The following MAP3K7 variants were observed in gnomAD, a reference collection of about 807,000 sequenced individuals.
The protein encoded by MAP3K7 is TGF-beta activated kinase 1.
In MAP3K7, 21 loss-of-function variants were observed where a neutral mutation model predicts 84.8. The ratio of observed to expected loss-of-function variants is 0.25; its 90% CI spans 0.18 to 0.36. The LOEUF (loss-of-function observed/expected upper bound fraction) is 0.36. MAP3K7 is among the 10% of genes least tolerant of loss of function. MAP3K7 has a pLI of 1.00. For synonymous variants in MAP3K7, 241 were observed against 247.7 expected (o/e 0.97, Z 0.25); for missense variants, 503 against 747.7 (o/e 0.67, Z 3.82).
At chr6:90,544,698 A>T (rs1775950728) in intron 11 of MAP3K7, 66 bp from the exon 12 acceptor site, 1 of 1,297,430 alleles carries the variant, frequency 7.7e-7, no homozygotes, top group Non-Finnish European at 1.1e-6. Flanking sequence ...AAAATGATTA[A>T]CTACAAAAAT....
chr6:90,566,473 GAGAAT>G (rs1412381380), intron 3 of MAP3K7, among the ~76,000 whole-genome samples: 1 of 152,128 alleles, frequency 6.6e-6, no homozygotes, highest in Non-Finnish European at 1.5e-5. Flanking sequence ...TTGCTTCAAA[GAGAAT>G]AAAATACCTA....
rs112203361 is a variant in MAP3K7 at position 90,542,727 on chromosome 6, T to C, written c.1291+1825A>G. Among the ~76,000 whole-genome samples, 157 of 152,132 alleles carry C rather than the reference T, an allele frequency of 1.0e-3. 1 individual carries two copies. The highest frequency in any genetic ancestry group is 3.4e-3 in the African/African-American group (143 of 41,528). ...TCATCCGATAACCTAGTTGTAAGAT[T>C]GTATAAAGGTAAAATAAGATGTACT... On this transcript the variant is annotated intron_variant, in intron 12 of 16. Transcript: ENST00000369329.
chr6:90,530,639 T>C (rs1044847797), intron 13 of MAP3K7, among the ~76,000 whole-genome samples: 15 of 152,174 alleles, frequency 9.9e-5, no homozygotes, highest in African/African-American at 3.6e-4. Flanking sequence ...TAAATCTTTA[T>C]ATTTTAAGAA....
intron 1 of MAP3K7, 133 bp downstream of exon 1, chr6:90,586,631 G>A: frequency 2.5e-6 from 3 of 1,209,938 alleles, no homozygotes; most frequent in East Asian, 2.7e-5. Flanking sequence ...TGAGGGCTGT[G>A]GGGTCTCCCG....
chr6:90,564,894 C>G (rs894655711), intron 3 of MAP3K7, among the ~76,000 whole-genome samples: 1 of 152,158 alleles, frequency 6.6e-6, no homozygotes, highest in African/African-American at 2.4e-5. Context: ...TGGAATCAAA[C>G]TAGACTCAGG....
chr6:90,549,635 C>CA (rs1776119351), intron 9 of MAP3K7, among the ~76,000 whole-genome samples: 1 of 151,846 alleles, frequency 6.6e-6, no homozygotes, highest in Non-Finnish European at 1.5e-5. Context: ...GTGGGAGGCT[C>CA]AAAAAATTCA....
intron 13 of MAP3K7, among the ~76,000 whole-genome samples, chr6:90,529,656 A>C (rs1775435998): frequency 6.6e-6 from 1 of 152,188 alleles, no homozygotes; most frequent in Non-Finnish European, 1.5e-5. Flanking sequence ...ATAAAAATTA[A>C]ATGAAATGAT....
At chr6:90,572,703 C>T (rs1478756896) in intron 1 of MAP3K7, among the ~76,000 whole-genome samples, 1 of 151,818 alleles carries the variant, frequency 6.6e-6, no homozygotes, top group Non-Finnish European at 1.5e-5. Context: ...AGTTATTTTT[C>T]AAAAGTCATA....
intron 13 of MAP3K7, among the ~76,000 whole-genome samples, chr6:90,531,954 C>CG (rs1403922668): frequency 4.9e-4 from 63 of 128,838 alleles, no homozygotes; most frequent in African/African-American, 1.6e-3. Flanking sequence ...GACTGTGTCT[C>CG]GGAAAAAAAA....
In MAP3K7 at chr6:90,559,143, C is replaced by T. The variant is rs779276431; in HGVS notation, c.482+933G>A. On this transcript the variant is annotated intron_variant, in intron 5 of 16. Transcript: ENST00000369329. The stretch of plus-strand genomic sequence containing the variant: ...GCTTAAACATTATTTTATCAGTGAC[C>T]TGGGGAAACAGAAATCAGTTTAAGT... 1.1e-4 allele frequency among the ~76,000 whole-genome samples: 16 copies of T among 152,218 alleles called. No homozygotes were observed. In the East Asian group the frequency reaches 1.9e-3, roughly 18 times the overall value.
At position 90,548,148 on chromosome 6, in the gene MAP3K7, T is replaced by C; in HGVS notation, c.979A>G (p.Thr327Ala). The part of the protein sequence containing the change: ...GSFMDIASTN[T>A]SNKSDTNMEQ... ...ATATTAGTGTCACTTTTGTTACTCG[T>C]ATTTGTAGAAGCAATGTCCATGAAT... Residue 327 changes from threonine to alanine, a missense_variant, in exon 10 of 17, where the codon ACG becomes GCG. Physicochemically the swap from Thr to Ala is moderately conservative, Grantham distance 58. Transcript: ENST00000369329. 6.2e-7 allele frequency: 1 copy of C among 1,612,042 alleles called. No homozygotes were observed. Among genetic ancestry groups the C allele is most frequent in the Non-Finnish European group, 8.5e-7 (1 of 1,178,982 alleles).
rs922638725 is a variant in MAP3K7, at chr6:90,516,071, T to C, written c.*430A>G. 4.8e-5 allele frequency: 9 copies of C among 187,102 alleles called. No homozygotes were observed. Among genetic ancestry groups the C allele is most frequent in the African/African-American group, 2.2e-4 (9 of 41,616 alleles). 11.6% of individuals were successfully genotyped at this position (187,102 alleles called of 1,614,324 possible). A position where few individuals can be genotyped will look rare whatever the true frequency, so the allele number is the denominator to read the frequency against. ...TCTTTAACTTGGTATATACCATCTT[T>C]TGGGAAAAAAATTATTAATATTTTG... On this transcript the variant is annotated 3_prime_UTR_variant, in exon 17 of 17. Transcript: ENST00000369329.
intron 13 of MAP3K7, among the ~76,000 whole-genome samples, chr6:90,533,661 G>A (rs567690286): frequency 7.2e-5 from 11 of 152,272 alleles, no homozygotes; most frequent in African/African-American, 2.6e-4. Context: ...AAAACATTCC[G>A]AAGTAGTCTT....
intron 1 of MAP3K7, among the ~76,000 whole-genome samples, chr6:90,575,483 G>A (rs1777043882): frequency 6.6e-6 from 1 of 152,156 alleles, no homozygotes; most frequent in Non-Finnish European, 1.5e-5. Flanking sequence ...TAAGGATTGT[G>A]GCAAGGAAGA....
At chr6:90,575,920 A>G (rs956277788) in intron 1 of MAP3K7, among the ~76,000 whole-genome samples, 4 of 152,016 alleles carry the variant, frequency 2.6e-5, no homozygotes, top group African/African-American at 9.7e-5. Context: ...AAATAAGACA[A>G]AGGCTCTGAT....
chr6:90,523,572 CA>C, intron 14 of MAP3K7, 105 bp downstream of exon 14: 1 of 623,544 alleles, frequency 1.6e-6, no homozygotes, highest in Non-Finnish European at 2.8e-6. Flanking sequence ...AAAATCTAAA[CA>C]ACAGTATAAT....
chr6:90,550,918 T>C (rs979877689), intron 8 of MAP3K7: 1 of 156,172 alleles, frequency 6.4e-6, no homozygotes, highest in Admixed American at 6.4e-5. Flanking sequence ...CATAGAATAA[T>C]TGTTAGAACA....
intron 1 of MAP3K7, among the ~76,000 whole-genome samples, chr6:90,584,407 AAAAC>A (rs1391275172): frequency 3.3e-5 from 5 of 152,214 alleles, no homozygotes; most frequent in Admixed American, 1.3e-4. Flanking sequence ...GAAAGGGAAT[AAAAC>A]AAACAAAAAA....
In MAP3K7 at chr6:90,516,333, A is replaced by G. The variant is rs1774959833; in HGVS notation, c.*168T>C. 3 of 670,448 alleles carry G rather than the reference A, an allele frequency of 4.5e-6. No individual in the cohort carries two copies. In the East Asian group the frequency reaches 8.2e-5, roughly 18 times the overall value. The allele number at this position is 670,448 out of a possible 1,614,324, so 41.5% of individuals were successfully genotyped here. On this transcript the variant is annotated 3_prime_UTR_variant, in exon 17 of 17. Coordinates refer to ENST00000369329, the MANE Select transcript of MAP3K7 (RefSeq NM_145331.3). ...AATGAAACAGTAAAATTGTATGTCC[A>G]CCATGAGAAAAGGAAAATAAACAAT...
Sources: allele counts gnomAD v4.1 joint callset (sites outside exome capture counted in the v4.1 genomes callset), GRCh38; gene constraint gnomAD v4.1.1; transcripts MANE v1.5; gene names NCBI Gene and HGNC (gene_info 2026-07-23, HGNC 2026-07-21).